The following MICU1 variants were observed in gnomAD, a reference collection of about 807,000 sequenced individuals.
MICU1 encodes mitochondrial calcium uptake 1, also known as calcium uptake protein 1, mitochondrial.
In MICU1, 45 loss-of-function variants were observed where a neutral mutation model predicts 56.8. That is an observed-to-expected ratio of 0.79 (90% CI 0.62 to 1.02). The LOEUF is 1.02. MICU1 is among the 50% of genes least tolerant of loss of function. The pLI is 0.00. For missense variants in MICU1, 504 were observed against 587.1 expected (o/e 0.86, Z 1.46); for synonymous variants, 186 against 195.1 (o/e 0.95, Z 0.39).
intron 10 of MICU1, among the ~76,000 whole-genome samples, chr10:72,378,062 C>T (rs1033593580): frequency 3.6e-4 from 55 of 152,094 alleles, no homozygotes; most frequent in African/African-American, 1.3e-3. Flanking sequence ...CCAGCCTGGC[C>T]AACATGGTGA....
intron 7 of MICU1, among the ~76,000 whole-genome samples, chr10:72,476,195 C>A (rs1866114113): frequency 7.0e-6 from 1 of 143,390 alleles, no homozygotes; most frequent in African/African-American, 2.7e-5. Flanking sequence ...CCACTATACT[C>A]CAACCTGGGT....
chr10:72,383,816 G>C (rs921551135), intron 10 of MICU1, among the ~76,000 whole-genome samples: 1 of 151,642 alleles, frequency 6.6e-6, no homozygotes, highest in Non-Finnish European at 1.5e-5. Flanking sequence ...TTGTTTTTTT[G>C]AGACAGGGTC....
chr10:72,464,104 T>C (rs1865716282), intron 8 of MICU1, among the ~76,000 whole-genome samples: 1 of 152,096 alleles, frequency 6.6e-6, no homozygotes, highest in Non-Finnish European at 1.5e-5. Context: ...AAGACCAGCC[T>C]GGCCAACATA....
chr10:72,409,800 T>C (rs1397187811), intron 9 of MICU1, among the ~76,000 whole-genome samples: 2 of 152,228 alleles, frequency 1.3e-5, no homozygotes, highest in Admixed American at 1.3e-4. Context: ...ATATGATGAC[T>C]ATATAGAAAG....
intron 1 of MICU1, among the ~76,000 whole-genome samples, chr10:72,581,934 G>T (rs1840909893): frequency 6.6e-6 from 1 of 152,018 alleles, no homozygotes; most frequent in Non-Finnish European, 1.5e-5. Flanking sequence ...TTGTTTTTTG[G>T]TTTTTGTTTT....
intron 11 of MICU1, among the ~76,000 whole-genome samples, chr10:72,371,428 T>C (rs1228399954): frequency 2.2e-5 from 3 of 136,356 alleles, no homozygotes; most frequent in Non-Finnish European, 3.1e-5. Flanking sequence ...TGAAAAGTAA[T>C]GAATAATTTG....
chr10:72,526,638 T>C (rs1867970866), intron 5 of MICU1, among the ~76,000 whole-genome samples: 2 of 152,208 alleles, frequency 1.3e-5, no homozygotes, highest in African/African-American at 4.8e-5. Flanking sequence ...CTAAAGACTA[T>C]AATGAGCAGC....
chr10:72,420,493 G>A (rs1298755260), intron 9 of MICU1, among the ~76,000 whole-genome samples: 4 of 152,140 alleles, frequency 2.6e-5, no homozygotes, highest in African/African-American at 9.7e-5. Flanking sequence ...AGCAGCATGA[G>A]AATGGACTAA....
At chr10:72,533,223 C>A in intron 5 of MICU1, 2 of 924,894 alleles carry the variant, frequency 2.2e-6, no homozygotes, top group Non-Finnish European at 3.0e-6. Context: ...GTCTCATTTT[C>A]TATACCTAAG....
intron 1 of MICU1, among the ~76,000 whole-genome samples, chr10:72,567,952 A>G (rs1344257751): frequency 6.6e-6 from 1 of 152,212 alleles, no homozygotes; most frequent in Non-Finnish European, 1.5e-5. Flanking sequence ...ACTGGTACCC[A>G]TATTTTACAG....
intron 5 of MICU1, among the ~76,000 whole-genome samples, chr10:72,532,423 T>G (rs1839512655): frequency 6.6e-6 from 1 of 152,200 alleles, no homozygotes; most frequent in African/African-American, 2.4e-5. Flanking sequence ...GTAGTTAATT[T>G]TTTGCAAGTC....
At chr10:72,412,388 C>T (rs539260242) in intron 9 of MICU1, among the ~76,000 whole-genome samples, 31 of 152,324 alleles carry the variant, frequency 2.0e-4, no homozygotes, top group African/African-American at 7.5e-4. Flanking sequence ...AACTGGTTAT[C>T]TATCTACCTT....
intron 6 of MICU1, among the ~76,000 whole-genome samples, chr10:72,500,303 T>TA (rs1388516520): frequency 3.2e-3 from 15 of 4,756 alleles, no homozygotes; most frequent in South Asian, 0.012. Context: ...TATATATATA[T>TA]TTTTTTTTTT....
intron 9 of MICU1, among the ~76,000 whole-genome samples, chr10:72,412,747 A>T (rs1863857226): frequency 6.6e-6 from 1 of 151,320 alleles, no homozygotes; most frequent in African/African-American, 2.4e-5. Flanking sequence ...GCTACTCAGG[A>T]GGCCGAGGCA....
rs556068060 is a variant in MICU1, at chr10:72,515,254, G to A, written c.538-6985C>T. ...TTTAGCAGCTTCTTTCTTTTAAAGC[G>A]TTCTCCTGGTTGTTTTAAGTCTTTC... On this transcript the variant is annotated intron_variant, in intron 5 of 11. Transcript: ENST00000361114. 6.6e-5 allele frequency among the ~76,000 whole-genome samples: 10 copies of A among 152,266 alleles called. No individual in the cohort carries two copies. The South Asian group carries it at 1.0e-3, about 16-fold the overall frequency.
rs562224200 is a variant in MICU1, at chr10:72,469,633, G to A, written c.933+5467C>T. 2.0e-4 allele frequency among the ~76,000 whole-genome samples: 30 copies of A among 152,284 alleles called. No individual in the cohort carries two copies. The East Asian group carries it at 5.4e-3, about 27-fold the overall frequency. Reference sequence around the variant, plus strand: ...TATATGCCTGTTGCCATACTAGGTGGCAGTGGGTATAAATGGGAAGGTGAA... The same window carrying A: ...TATATGCCTGTTGCCATACTAGGTGACAGTGGGTATAAATGGGAAGGTGAA... On this transcript the variant is annotated intron_variant, in intron 8 of 11. Coordinates refer to ENST00000361114, the MANE Select transcript of MICU1 (RefSeq NM_001195518.2).
At chr10:72,420,889 T>C (rs1864138018) in intron 9 of MICU1, among the ~76,000 whole-genome samples, 1 of 150,666 alleles carries the variant, frequency 6.6e-6, no homozygotes, top group Admixed American at 6.6e-5. Flanking sequence ...TTGCCCAAGC[T>C]GGTCTTGAAC....
intron 6 of MICU1, among the ~76,000 whole-genome samples, chr10:72,492,313 C>T (rs1356911869): frequency 4.6e-5 from 7 of 151,976 alleles, no homozygotes; most frequent in Admixed American, 3.9e-4. Context: ...GGTAACCAAT[C>T]GGGAGGGTAC....
chr10:72,474,995 T>A, intron 8 of MICU1, 105 bp downstream of exon 8: 1 of 934,738 alleles, frequency 1.1e-6, no homozygotes, highest in Non-Finnish European at 1.6e-6. Flanking sequence ...TTCAAATCAA[T>A]CAGTTCTCAC....
Sources: allele counts gnomAD v4.1 joint callset (sites outside exome capture counted in the v4.1 genomes callset), GRCh38; gene constraint gnomAD v4.1.1; transcripts MANE v1.5; gene names NCBI Gene and HGNC (gene_info 2026-07-23, HGNC 2026-07-21).